The following TMEM71 variants were observed in gnomAD, a reference collection of about 807,000 sequenced individuals.
TMEM71 encodes transmembrane protein 71.
In TMEM71, 44 loss-of-function variants were observed where a neutral mutation model predicts 38.0. The ratio of observed to expected loss-of-function variants is 1.16; its 90% CI spans 0.91 to 1.49. The LOEUF (loss-of-function observed/expected upper bound fraction) is 1.49, where lower values mean the gene tolerates loss of function less well. Among genes scored for constraint, TMEM71 ranks in the 40% most tolerant of loss-of-function variants. TMEM71 has a pLI of 0.00. For missense variants in TMEM71, 367 were observed against 348.6 expected (o/e 1.05, Z -0.42); for synonymous variants, 133 against 122.5 (o/e 1.09, Z -0.56).
chr8:132,722,010 A>T, intron 7 of TMEM71, 30 bp downstream of exon 7: 1 of 1,570,388 alleles, frequency 6.4e-7, no homozygotes, highest in South Asian at 1.1e-5. Flanking sequence ...ATTATGAAAT[A>T]CCGCTGCATG....
intron 5 of TMEM71, among the ~76,000 whole-genome samples, chr8:132,732,688 C>T (rs555842795): frequency 1.3e-5 from 2 of 152,280 alleles, no homozygotes; most frequent in East Asian, 1.9e-4. Flanking sequence ...GACTATGGGG[C>T]TCCAAGAGAC....
chr8:132,753,840 G>A (rs1310906385), intron 3 of TMEM71, among the ~76,000 whole-genome samples: 1 of 152,088 alleles, frequency 6.6e-6, no homozygotes, highest in Admixed American at 6.5e-5. Context: ...CACCTAGTAT[G>A]GGCTTAATAA....
At chr8:132,707,153 A>G (rs1826106008), downstream of TMEM71, among the ~76,000 whole-genome samples, 3 of 152,212 alleles carry the variant, frequency 2.0e-5, no homozygotes, top group South Asian at 6.2e-4. Flanking sequence ...AAGAGACCCA[A>G]TAGGCATATT....
At chr8:132,750,417 A>G (rs1038706030) in intron 4 of TMEM71, among the ~76,000 whole-genome samples, 1 of 152,204 alleles carries the variant, frequency 6.6e-6, no homozygotes, top group Admixed American at 6.5e-5. Context: ...GAGGCTTGAA[A>G]TGTATCTGCT....
chr8:132,753,753 T>C (rs1448581215), intron 3 of TMEM71, among the ~76,000 whole-genome samples: 1 of 152,178 alleles, frequency 6.6e-6, no homozygotes, highest in Non-Finnish European at 1.5e-5. Context: ...TGTTTCCTTA[T>C]CTGTAAAACG....
Position 132,732,077 on chromosome 8 carries a change from G to A in TMEM71, c.488-4091C>T, listed in dbSNP as rs140466077. ...TTGTATATACTGCAAATGCTGCTCT[G>A]GAAGAAGGAAGTCAAATTAGATATT... On this transcript the variant is annotated intron_variant, in intron 5 of 9. Transcript: ENST00000677595. Among the ~76,000 whole-genome samples, 6 of 152,278 alleles carry A rather than the reference G, an allele frequency of 3.9e-5. No homozygotes were observed. The East Asian group carries it at 9.7e-4, about 25-fold the overall frequency.
chr8:132,768,148 A>G, the TMEM71 span, among the ~76,000 whole-genome samples: 4 of 152,254 alleles, frequency 2.6e-5, no homozygotes, highest in Non-Finnish European at 2.9e-5. Context: ...TCCTTGTAAT[A>G]ACACTGGAAT....
At chr8:132,734,691 GA>G (rs1451841402) in intron 5 of TMEM71, among the ~76,000 whole-genome samples, 3 of 152,164 alleles carry the variant, frequency 2.0e-5, no homozygotes, top group African/African-American at 7.2e-5. Context: ...GAAAAGACAT[GA>G]TTTAACCCAA....
At chr8:132,717,306 A>G (rs1826586534) in intron 7 of TMEM71, among the ~76,000 whole-genome samples, 1 of 152,226 alleles carries the variant, frequency 6.6e-6, no homozygotes, top group South Asian at 2.1e-4. Context: ...AAGGCAAACC[A>G]CAGAATAGGA....
intron 6 of TMEM71, among the ~76,000 whole-genome samples, chr8:132,727,555 C>G (rs893419334): frequency 2.6e-5 from 4 of 152,138 alleles, no homozygotes; most frequent in Non-Finnish European, 5.9e-5. Flanking sequence ...CGTGCCCGGT[C>G]TCTGAATATT....
intron 9 of TMEM71, among the ~76,000 whole-genome samples, chr8:132,713,659 G>A (rs1318611043): frequency 6.6e-6 from 1 of 152,188 alleles, no homozygotes; most frequent in Non-Finnish European, 1.5e-5. Context: ...CAGTTTGCCA[G>A]CTATTTGGGA....
chr8:132,762,997 T>C (rs946793510), upstream of TMEM71, among the ~76,000 whole-genome samples: 6 of 152,166 alleles, frequency 3.9e-5, no homozygotes, highest in African/African-American at 1.2e-4. Flanking sequence ...CCCCTCTCAA[T>C]CTTCTCTCTT....
intron 5 of TMEM71, among the ~76,000 whole-genome samples, chr8:132,743,331 C>T (rs1451245993): frequency 6.6e-6 from 1 of 152,052 alleles, no homozygotes; most frequent in Non-Finnish European, 1.5e-5. Flanking sequence ...CATTGTACTC[C>T]TGGTTCTCTT....
chr8:132,734,815 G>A (rs1827656564), intron 5 of TMEM71, among the ~76,000 whole-genome samples: 1 of 152,110 alleles, frequency 6.6e-6, no homozygotes. Context: ...TATTGTTGAA[G>A]GTATCTATTT....
intron 5 of TMEM71, among the ~76,000 whole-genome samples, chr8:132,729,822 T>C (rs1827352008): frequency 6.6e-6 from 1 of 152,020 alleles, no homozygotes; most frequent in Admixed American, 6.5e-5. Flanking sequence ...ATTTCCTCAA[T>C]GAAAGGATGG....
At chr8:132,749,047 G>A (rs1828548884) in intron 4 of TMEM71, among the ~76,000 whole-genome samples, 1 of 152,192 alleles carries the variant, frequency 6.6e-6, no homozygotes, top group Non-Finnish European at 1.5e-5. Context: ...CTAGCACACA[G>A]AAAGCAATCA....
At chr8:132,708,421 A>G (rs1308340949), downstream of TMEM71, among the ~76,000 whole-genome samples, 1 of 152,236 alleles carries the variant, frequency 6.6e-6, no homozygotes, top group Non-Finnish European at 1.5e-5. Context: ...CACTTTATAC[A>G]CTTGGAGGAG....
At chr8:132,761,269 C>T (rs1829289508), upstream of TMEM71, among the ~76,000 whole-genome samples, 1 of 152,054 alleles carries the variant, frequency 6.6e-6, no homozygotes, top group Non-Finnish European at 1.5e-5. Flanking sequence ...AGAAATTCAA[C>T]CTGTCTACCA....
At chr8:132,720,547 C>A (rs942925150) in intron 7 of TMEM71, among the ~76,000 whole-genome samples, 4 of 152,170 alleles carry the variant, frequency 2.6e-5, no homozygotes, top group African/African-American at 9.7e-5. Context: ...CCCCCTCCGA[C>A]ACACACACAC....
Sources: allele counts gnomAD v4.1 joint callset (sites outside exome capture counted in the v4.1 genomes callset), GRCh38; gene constraint gnomAD v4.1.1; transcripts MANE v1.5; gene names NCBI Gene and HGNC (gene_info 2026-07-23, HGNC 2026-07-21).